RMND1: variants seen among roughly 807,000 people sequenced by gnomAD.
RMND1 encodes required for meiotic nuclear division 1 homolog.
Under a neutral mutation model 54.0 loss-of-function variants are expected in RMND1, and 41 were observed. That is an observed-to-expected ratio of 0.76 (90% CI 0.59 to 0.98). The LOEUF is 0.98. Ranked by LOEUF, RMND1 falls within the 50% of genes least tolerant of loss-of-function variation. The pLI is 0.00. For synonymous variants in RMND1, 183 were observed against 181.7 expected (o/e 1.01, Z -0.06); for missense variants, 457 against 532.0 (o/e 0.86, Z 1.39).
Position 151,417,271 on chromosome 6 carries a change from A to C in RMND1, c.1200+8T>G, listed in dbSNP as rs1326699694. On this transcript the variant is annotated splice_region_variant and intron_variant, in intron 10 of 11. Coordinates refer to ENST00000444024, the MANE Select transcript of RMND1 (RefSeq NM_017909.4). ...CTTTTTCTCTCATTAGAAGTGCAAA[A>C]TACGTACCTTAACTCTTCGGCCAAT... 6.2e-7 allele frequency: 1 copy of C among 1,601,780 alleles called. No homozygotes were observed. The highest frequency in any genetic ancestry group is 1.8e-5 in the Admixed American group (1 of 56,134).
chr6:151,440,723 G>T (rs1396792597), intron 2 of RMND1, among the ~76,000 whole-genome samples: 3 of 152,160 alleles, frequency 2.0e-5, no homozygotes, highest in African/African-American at 7.2e-5. Flanking sequence ...ATTAATAGAT[G>T]AACTTGACGT....
chr6:151,414,363 A>G (rs1779939365), intron 10 of RMND1, among the ~76,000 whole-genome samples: 1 of 152,188 alleles, frequency 6.6e-6, no homozygotes. Flanking sequence ...AACAGAAACA[A>G]TAGGAAGGAC....
chr6:151,405,228 CACTT>C lies in RMND1; in HGVS notation c.*3_*6del, dbSNP rs1377933894. Reference sequence around the variant, plus strand: ...TCTCTTGCAGTGACACTTTGGTTATCACTTGATCAGAAAAATACTCGTCCCAGCT... The same window carrying C: ...TCTCTTGCAGTGACACTTTGGTTATCGATCAGAAAAATACTCGTCCCAGCT... On this transcript the variant is annotated 3_prime_UTR_variant, in exon 12 of 12. Transcript: ENST00000444024. 3.1e-6 allele frequency: 5 copies of C among 1,611,170 alleles called. No individual in the cohort carries two copies. Among genetic ancestry groups the C allele is most frequent in the Non-Finnish European group, 4.2e-6 (5 of 1,177,580 alleles).
At chr6:151,430,650 G>A (rs1780424461) in intron 4 of RMND1, among the ~76,000 whole-genome samples, 1 of 152,192 alleles carries the variant, frequency 6.6e-6, no homozygotes, top group African/African-American at 2.4e-5. Flanking sequence ...ATGGAATAAT[G>A]CTCCCCACGC....
chr6:151,414,487 G>C (rs137882092), intron 10 of RMND1, among the ~76,000 whole-genome samples: 7 of 152,218 alleles, frequency 4.6e-5, no homozygotes, highest in Admixed American at 3.9e-4. Flanking sequence ...AGGTATCTGA[G>C]GTTAGGTATT....
At chr6:151,426,644 A>C (rs1339950363) in intron 6 of RMND1, among the ~76,000 whole-genome samples, 2 of 152,140 alleles carry the variant, frequency 1.3e-5, no homozygotes, top group Non-Finnish European at 2.9e-5. Flanking sequence ...GAAACTTAAC[A>C]TTTCCATTTT....
chr6:151,424,024 T>G (rs532057733), intron 6 of RMND1, among the ~76,000 whole-genome samples: 1 of 152,102 alleles, frequency 6.6e-6, no homozygotes, highest in African/African-American at 2.4e-5. Context: ...ATTTTTTTTG[T>G]ATTTTTAATA....
chr6:151,421,233 G>A lies in RMND1; in HGVS notation c.1079+12C>T. ...ATATATGAAATATTTTATTTAGAGA[G>A]AAAACTTTTACCTTAGAGCAAAGAG... On this transcript the variant is annotated intron_variant, in intron 9 of 11. Transcript: ENST00000444024. 1.9e-6 allele frequency: 3 copies of A among 1,560,442 alleles called. No individual in the cohort carries two copies. The highest frequency in any genetic ancestry group is 2.6e-6 in the Non-Finnish European group (3 of 1,139,834).
At position 151,419,103 on chromosome 6, in the gene RMND1, G is replaced by A. The variant is rs575070568; in HGVS notation, c.1080-1704C>T. Among the ~76,000 whole-genome samples, 10 of 148,346 alleles carry A rather than the reference G, an allele frequency of 6.7e-5. No homozygotes were observed. The South Asian group carries it at 2.1e-3, about 32-fold the overall frequency. On this transcript the variant is annotated intron_variant, in intron 9 of 11. Transcript: ENST00000444024. ...TTTTGAGACAGAATCTTGCTCTGTC[G>A]CCCAGGCTGGAGTGCAGTGGCATGA...
intron 1 of RMND1, among the ~76,000 whole-genome samples, chr6:151,449,656 T>TC (rs1160679331): frequency 2.0e-5 from 3 of 150,674 alleles, no homozygotes; most frequent in East Asian, 1.9e-4. Context: ...CCTCTCCCTC[T>TC]CCCCACGGTC....
Position 151,445,489 on chromosome 6 carries a change from G to T in RMND1, c.323C>A (p.Thr108Asn). 1 of 1,614,184 alleles carries T rather than the reference G, an allele frequency of 6.2e-7. No individual in the cohort carries two copies. The highest frequency in any genetic ancestry group is 8.5e-7 in the Non-Finnish European group (1 of 1,180,026). Residue 108 changes from threonine to asparagine, a missense_variant, in exon 2 of 12, where the codon ACC becomes AAC. Thr to Asn is a moderately conservative substitution (Grantham distance 65). Transcript: ENST00000444024. ...MKSFGTHRRV[T>N]HKPNLLGSKW... Reference sequence around the variant, plus strand: ...AGAACCCAACAGATTTGGTTTGTGGGTCACTCTCCTGTGAGTACCAAAGGA... The same window carrying T: ...AGAACCCAACAGATTTGGTTTGTGGTTCACTCTCCTGTGAGTACCAAAGGA...
intron 10 of RMND1, among the ~76,000 whole-genome samples, chr6:151,414,778 A>G (rs1779951224): frequency 6.6e-6 from 1 of 152,208 alleles, no homozygotes; most frequent in Admixed American, 6.5e-5. Flanking sequence ...AAGTGAACAG[A>G]GCCTCAAAGA....
At chr6:151,408,576 C>A (rs1299367530) in intron 10 of RMND1, 1 of 152,152 alleles carries the variant, frequency 6.6e-6, no homozygotes, top group East Asian at 1.9e-4. Flanking sequence ...TTCTTGGAAC[C>A]TGTGAATATA....
chr6:151,414,616 AC>A (rs760806097), intron 10 of RMND1, among the ~76,000 whole-genome samples: 2 of 152,228 alleles, frequency 1.3e-5, no homozygotes, highest in Non-Finnish European at 2.9e-5. Flanking sequence ...AAATAAAAAA[AC>A]ATGGAAATTT....
At chr6:151,436,617 T>C (rs1780625027) in intron 2 of RMND1, 63 bp from the exon 3 acceptor site, 3 of 1,553,404 alleles carry the variant, frequency 1.9e-6, no homozygotes, top group Non-Finnish European at 2.7e-6. Flanking sequence ...TGACGGCTGC[T>C]GAGCACCCTA....
intron 9 of RMND1, 22 bp from the exon 10 acceptor site, chr6:151,417,421 C>T: frequency 6.6e-7 from 1 of 1,514,416 alleles, no homozygotes. Context: ...AAAATTATAA[C>T]TTTTTATTTA....
chr6:151,420,458 T>C (rs1002533045), intron 9 of RMND1, among the ~76,000 whole-genome samples: 1 of 152,182 alleles, frequency 6.6e-6, no homozygotes, highest in Admixed American at 6.5e-5. Context: ...AGGGATAAAC[T>C]GGACAATGCT....
Position 151,430,814 on chromosome 6 carries a change from A to C in RMND1, c.690-637T>G, listed in dbSNP as rs1780428710. 2.6e-5 allele frequency among the ~76,000 whole-genome samples: 4 copies of C among 152,198 alleles called. No individual in the cohort carries two copies. The South Asian group carries it at 8.3e-4, about 31-fold the overall frequency. On this transcript the variant is annotated intron_variant, in intron 4 of 11. Coordinates refer to ENST00000444024, the MANE Select transcript of RMND1 (RefSeq NM_017909.4). ...AAGCTGTTTCAGGTAGTAAATAAAA[A>C]CAGGAGCTATAGCTCAGGGTCAGTG...
At chr6:151,445,281 C>T (rs371938063) in intron 2 of RMND1, 27 bp downstream of exon 2, 38 of 1,579,310 alleles carry the variant, frequency 2.4e-5, no homozygotes, top group Admixed American at 5.5e-5. Flanking sequence ...TCACTAAGCA[C>T]GAGAGCCACG....
Sources: gnomAD v4.1 joint callset for allele counts (sites outside exome capture counted in the v4.1 genomes callset) on GRCh38, gnomAD v4.1.1 for gene constraint, MANE v1.5 for transcripts, NCBI Gene and HGNC (gene_info 2026-07-23, HGNC 2026-07-21) for gene names.